The following ASAP1 variants were observed in gnomAD, a reference collection of about 807,000 sequenced individuals.
ASAP1 encodes ArfGAP with SH3 domain, ankyrin repeat and PH domain 1.
Under a neutral mutation model 145.2 loss-of-function variants are expected in ASAP1, and 43 were observed. The ratio of observed to expected loss-of-function variants is 0.30; its 90% confidence interval spans 0.23 to 0.38. The LOEUF (loss-of-function observed/expected upper bound fraction) is 0.38. ASAP1 is among the 10% of genes least tolerant of loss of function. The pLI, the probability that ASAP1 is intolerant of heterozygous loss-of-function variation, is 1.00. For synonymous variants in ASAP1, 546 were observed against 515.5 expected, an observed-to-expected ratio of 1.06 and a Z score of -0.80; for missense variants, 1,018 against 1,355.3, an observed-to-expected ratio of 0.75 and a Z score of 3.91.
chr8:130,079,700 C>T (rs191967880), intron 26 of ASAP1, among the ~76,000 whole-genome samples: 37 of 152,150 alleles, frequency 2.4e-4, no homozygotes, highest in Middle Eastern at 3.4e-3. Context: ...GCTCAGAGAA[C>T]GGTCTGCAGA....
Position 130,118,216 on chromosome 8 carries a change from C to G in ASAP1, c.1825G>C (p.Val609Leu). The G allele has an allele frequency of 1.1e-5, 17 of 1,613,684 alleles. No individual in the cohort carries two copies. The highest frequency in any genetic ancestry group is 1.4e-5 in the Non-Finnish European group (17 of 1,179,794). ...ELGETALHLA[V>L]RTADQTSLHL... ...AGAGATGTCTGATCTGCAGTTCGGA[C>G]GGCAAGGTGAAGGGCTGTCTCCCCA... The change falls in exon 20 of 30, where the codon GTC becomes CTC. Residue 609 changes from valine to leucine, a missense_variant. Around this residue, in one of 9 missense-constraint regions of ASAP1, gnomAD observed 353 missense variants for 375.4 expected, o/e 0.94. Coordinates refer to ENST00000518721, the MANE Select transcript of ASAP1 (RefSeq NM_018482.4).
At chr8:130,322,995 C>G (rs913775315) in intron 3 of ASAP1, among the ~76,000 whole-genome samples, 1 of 152,202 alleles carries the variant, frequency 6.6e-6, no homozygotes, top group African/African-American at 2.4e-5. Flanking sequence ...TTTGTGGAAT[C>G]AAACTGGATG....
chr8:130,209,074 G>C (rs1052391403), intron 5 of ASAP1, among the ~76,000 whole-genome samples: 1 of 152,022 alleles, frequency 6.6e-6, no homozygotes, highest in African/African-American at 2.4e-5. Flanking sequence ...CCCCTATAGT[G>C]GCTATTAATA....
intron 1 of ASAP1, among the ~76,000 whole-genome samples, chr8:130,419,953 TTC>T (rs200574836): frequency 4.9e-5 from 7 of 141,480 alleles, no homozygotes; most frequent in Non-Finnish European, 7.8e-5. Context: ...CACCTTCTTC[TTC>T]TTTTTTTTTT....
At chr8:130,366,493 A>G (rs1299409094) in intron 2 of ASAP1, among the ~76,000 whole-genome samples, 1 of 152,150 alleles carries the variant, frequency 6.6e-6, no homozygotes, top group African/African-American at 2.4e-5. Flanking sequence ...AGATGAGATC[A>G]TTGCCTCCTG....
chr8:130,092,180 C>A (rs750274548), intron 24 of ASAP1, 37 bp from the exon 25 acceptor site: 9 of 1,547,236 alleles, frequency 5.8e-6, no homozygotes, highest in Non-Finnish European at 7.8e-6. Context: ...GAAGATTAAT[C>A]CCAGTCTCAC....
intron 5 of ASAP1, among the ~76,000 whole-genome samples, chr8:130,206,938 C>T (rs1816262452): frequency 6.6e-6 from 1 of 151,980 alleles, no homozygotes; most frequent in African/African-American, 2.4e-5. Context: ...GTAGAGCAGA[C>T]CCAGCATTGC....
At chr8:130,374,084 C>T (rs936929508) in intron 2 of ASAP1, among the ~76,000 whole-genome samples, 4 of 132,168 alleles carry the variant, frequency 3.0e-5, no homozygotes, top group Non-Finnish European at 6.4e-5. Flanking sequence ...AAGCACAGAA[C>T]TTAGAAGTCA....
At chr8:130,395,318 T>A (rs1828476056) in intron 2 of ASAP1, among the ~76,000 whole-genome samples, 1 of 152,126 alleles carries the variant, frequency 6.6e-6, no homozygotes, top group Non-Finnish European at 1.5e-5. Flanking sequence ...AAAGTGGAGA[T>A]CTTAGCCACC....
At chr8:130,123,415 T>C (rs890259662) in intron 18 of ASAP1, among the ~76,000 whole-genome samples, 3 of 152,144 alleles carry the variant, frequency 2.0e-5, no homozygotes, top group African/African-American at 7.2e-5. Context: ...CATCACAATA[T>C]GCCATGTTTT....
At chr8:130,344,642 C>A (rs1002269741) in intron 3 of ASAP1, among the ~76,000 whole-genome samples, 1 of 152,044 alleles carries the variant, frequency 6.6e-6, no homozygotes, top group East Asian at 1.9e-4. Flanking sequence ...GAGGCTGAAG[C>A]GAGATCACTT....
At chr8:130,332,439 T>A (rs1824753792) in intron 3 of ASAP1, among the ~76,000 whole-genome samples, 1 of 152,242 alleles carries the variant, frequency 6.6e-6, no homozygotes, top group Non-Finnish European at 1.5e-5. Flanking sequence ...TATGTCATTG[T>A]ACTTTAGTTT....
intron 3 of ASAP1, among the ~76,000 whole-genome samples, chr8:130,279,659 T>A (rs1207937088): frequency 3.9e-5 from 6 of 152,232 alleles, no homozygotes; most frequent in African/African-American, 1.4e-4. Flanking sequence ...CTTGACTAGA[T>A]AATTTCTAGA....
intron 20 of ASAP1, 121 bp from the exon 21 acceptor site, chr8:130,117,116 G>T (rs1260225655): frequency 1.6e-6 from 1 of 619,406 alleles, no homozygotes; most frequent in Non-Finnish European, 2.8e-6. Flanking sequence ...TTATAATAGA[G>T]AAAATTATGA....
At position 130,409,210 on chromosome 8, in the gene ASAP1, C is replaced by T. The variant is rs563806629; in HGVS notation, c.-27-7240G>A. Among the ~76,000 whole-genome samples the T allele has an allele frequency of 9.8e-4, 148 of 151,678 alleles. 1 individual carries two copies. Among genetic ancestry groups the T allele is most frequent in the African/African-American group, 3.4e-3 (141 of 41,356 alleles). Reference sequence around the variant, plus strand: ...CCAGTAGGCAGAGGTTGTAGTGAGCCGAGATTGCGCCACTGCACTCCAGCC... The same window carrying T: ...CCAGTAGGCAGAGGTTGTAGTGAGCTGAGATTGCGCCACTGCACTCCAGCC... On this transcript the variant is annotated intron_variant, in intron 1 of 29. Coordinates refer to ENST00000518721, the MANE Select transcript of ASAP1 (RefSeq NM_018482.4).
At chr8:130,223,410 G>A (rs903848865) in intron 4 of ASAP1, among the ~76,000 whole-genome samples, 7 of 152,186 alleles carry the variant, frequency 4.6e-5, no homozygotes, top group African/African-American at 1.4e-4. Context: ...CATGGAATGA[G>A]TCTAAAAATA....
At chr8:130,074,701 G>C (rs1275822674) in intron 27 of ASAP1, among the ~76,000 whole-genome samples, 1 of 152,214 alleles carries the variant, frequency 6.6e-6, no homozygotes, top group Non-Finnish European at 1.5e-5. Context: ...GGTGGTAGTA[G>C]GGGTGGACTC....
chr8:130,263,595 G>A (rs1044189011), intron 3 of ASAP1, among the ~76,000 whole-genome samples: 1 of 152,122 alleles, frequency 6.6e-6, no homozygotes, highest in African/African-American at 2.4e-5. Flanking sequence ...CTCACTTAGG[G>A]AGCCTAACTG....
chr8:130,063,815 C>T (rs990645184), intron 27 of ASAP1, among the ~76,000 whole-genome samples: 3 of 152,188 alleles, frequency 2.0e-5, no homozygotes, highest in African/African-American at 7.2e-5. Context: ...CCGTGCCCAG[C>T]ACCCTTTCAG....
Sources: allele counts gnomAD v4.1 joint callset (sites outside exome capture counted in the v4.1 genomes callset), GRCh38; gene constraint gnomAD v4.1.1; regional missense constraint gnomAD v4.1.1; transcripts MANE v1.5; gene names NCBI Gene and HGNC (gene_info 2026-07-23, HGNC 2026-07-21).